The following FLI1 variants were observed in gnomAD, a reference collection of about 807,000 sequenced individuals.
The protein encoded by FLI1 is Fli-1 proto-oncogene, ETS transcription factor.
In FLI1, 13 loss-of-function variants were observed where a neutral mutation model predicts 53.1. The ratio of observed to expected loss-of-function variants is 0.24; its 90% confidence interval spans 0.16 to 0.39. FLI1 has a LOEUF of 0.39. Among genes scored for constraint, FLI1 ranks in the 10% least tolerant of loss-of-function variants. The pLI is 1.00. For missense variants in FLI1, 424 were observed against 600.5 expected, an observed-to-expected ratio of 0.71 and a Z score of 3.07; for synonymous variants, 244 against 236.7, an observed-to-expected ratio of 1.03 and a Z score of -0.28.
intron 5 of FLI1, among the ~76,000 whole-genome samples, chr11:128,800,477 G>T (rs1394561772): frequency 2.6e-5 from 4 of 152,172 alleles, no homozygotes; most frequent in Non-Finnish European, 4.4e-5. Context: ...GACAGCAGAG[G>T]CATCAGAGCA....
chr11:128,739,556 C>G (rs1030996642), intron 1 of FLI1, among the ~76,000 whole-genome samples: 17 of 152,242 alleles, frequency 1.1e-4, no homozygotes, highest in Middle Eastern at 6.8e-3. Flanking sequence ...CCACTACTCT[C>G]CATTCCCAAG....
intron 8 of FLI1, among the ~76,000 whole-genome samples, chr11:128,809,949 C>T (rs1385350699): frequency 6.6e-6 from 1 of 152,150 alleles, no homozygotes; most frequent in East Asian, 1.9e-4. Context: ...CTGCCAAGGG[C>T]CAATCCAGGT....
At position 128,736,026 on chromosome 11, in the gene FLI1, A is replaced by G. The variant is rs568567810; in HGVS notation, c.19-22089A>G. Reference sequence around the variant, plus strand: ...TGCAGAGGCCAAATTGATCATCTTTAGGCAGAGATTCCTTAGACATGATCG... The same window carrying G: ...TGCAGAGGCCAAATTGATCATCTTTGGGCAGAGATTCCTTAGACATGATCG... On this transcript the variant is annotated intron_variant, in intron 1 of 8. Transcript: ENST00000527786. 3.3e-5 allele frequency among the ~76,000 whole-genome samples: 5 copies of G among 152,306 alleles called. No homozygotes were observed. In the South Asian group the frequency reaches 1.0e-3, roughly 32 times the overall value.
chr11:128,700,065 T>C (rs959723316), intron 1 of FLI1, among the ~76,000 whole-genome samples: 2 of 152,196 alleles, frequency 1.3e-5, no homozygotes, highest in Non-Finnish European at 2.9e-5. Flanking sequence ...AGTGTTACCA[T>C]AGCCCTGAGA....
chr11:128,688,104 G>A (rs544422466), intron 1 of FLI1, among the ~76,000 whole-genome samples: 77 of 152,274 alleles, frequency 5.1e-4, no homozygotes, highest in Admixed American at 1.8e-3. Flanking sequence ...GCTCTGCACT[G>A]AGGATTGTAA....
intron 1 of FLI1, among the ~76,000 whole-genome samples, chr11:128,752,897 G>A (rs753395901): frequency 9.9e-5 from 15 of 152,162 alleles, no homozygotes; most frequent in African/African-American, 2.7e-4. Context: ...GTATCCCACC[G>A]GTTCAAGTGC....
At chr11:128,708,686 A>C (rs927744004) in intron 1 of FLI1, among the ~76,000 whole-genome samples, 2 of 152,176 alleles carry the variant, frequency 1.3e-5, no homozygotes, top group Non-Finnish European at 2.9e-5. Flanking sequence ...GAAAAGCGTG[A>C]ATTAATTACT....
chr11:128,771,334 C>T (rs780364582), intron 3 of FLI1, among the ~76,000 whole-genome samples: 20 of 152,356 alleles, frequency 1.3e-4, no homozygotes, highest in African/African-American at 2.4e-4. Flanking sequence ...CAGCCACTCT[C>T]GTGCATGGGC....
At chr11:128,771,783 C>T (rs1387036981) in intron 3 of FLI1, among the ~76,000 whole-genome samples, 1 of 152,168 alleles carries the variant, frequency 6.6e-6, no homozygotes, top group Non-Finnish European at 1.5e-5. Flanking sequence ...GAACCACCGC[C>T]ACACAGTCCA....
At chr11:128,702,598 A>C (rs1208836128) in intron 1 of FLI1, among the ~76,000 whole-genome samples, 1 of 152,204 alleles carries the variant, frequency 6.6e-6, no homozygotes, top group Non-Finnish European at 1.5e-5. Flanking sequence ...ACGGTGGCTC[A>C]CACCTGTAAT....
intron 2 of FLI1, chr11:128,764,773 G>T: frequency 6.3e-7 from 1 of 1,592,128 alleles, no homozygotes; most frequent in East Asian, 2.2e-5. Context: ...GAGGCACGGT[G>T]CTTGGGAGCT....
At chr11:128,764,577 T>C (rs1941255989) in intron 2 of FLI1, 8 of 1,362,992 alleles carry the variant, frequency 5.9e-6, no homozygotes, top group Non-Finnish European at 8.0e-6. Flanking sequence ...TTAGCAGCAG[T>C]GCAGGCAAGC....
At chr11:128,773,166 T>A (rs995959216) in intron 4 of FLI1, among the ~76,000 whole-genome samples, 181 bp downstream of exon 4, 1 of 152,100 alleles carries the variant, frequency 6.6e-6, no homozygotes, top group Non-Finnish European at 1.5e-5. Context: ...GACCCAATCC[T>A]GAAGTGTCAA....
intron 1 of FLI1, among the ~76,000 whole-genome samples, chr11:128,701,449 CA>C (rs1565455887): frequency 6.6e-6 from 1 of 152,150 alleles, no homozygotes; most frequent in East Asian, 1.9e-4. Context: ...CACTTCACCC[CA>C]GCAAACCAAA....
chr11:128,769,204 A>G (rs928526130), intron 3 of FLI1, among the ~76,000 whole-genome samples: 3 of 152,196 alleles, frequency 2.0e-5, no homozygotes, highest in African/African-American at 7.2e-5. Context: ...CACCCCAGCT[A>G]GCACCAGCAA....
chr11:128,768,349 A>C, intron 3 of FLI1, 77 bp downstream of exon 3: 1 of 1,544,360 alleles, frequency 6.5e-7, no homozygotes, highest in Non-Finnish European at 8.9e-7. Flanking sequence ...CTAAACCTTT[A>C]TCTGATACTC....
intron 1 of FLI1, among the ~76,000 whole-genome samples, chr11:128,717,400 A>G (rs530075453): frequency 6.6e-6 from 1 of 152,270 alleles, no homozygotes; most frequent in Admixed American, 6.5e-5. Context: ...TTCCTTGAAA[A>G]CGAAATAGTA....
At chr11:128,796,777 C>T (rs1029864286) in intron 5 of FLI1, among the ~76,000 whole-genome samples, 1 of 152,202 alleles carries the variant, frequency 6.6e-6, no homozygotes. Flanking sequence ...GAGTTCAAGA[C>T]AAGCCTGGCC....
At chr11:128,727,699 C>T (rs895850608) in intron 1 of FLI1, among the ~76,000 whole-genome samples, 1 of 152,198 alleles carries the variant, frequency 6.6e-6, no homozygotes, top group Non-Finnish European at 1.5e-5. Flanking sequence ...GTAATTTGCA[C>T]TTATTTCATG....
Sources: allele counts gnomAD v4.1 joint callset (sites outside exome capture counted in the v4.1 genomes callset), GRCh38; gene constraint gnomAD v4.1.1; transcripts MANE v1.5; gene names NCBI Gene and HGNC (gene_info 2026-07-23, HGNC 2026-07-21).